NTRK3: variants seen among roughly 807,000 people sequenced by gnomAD.
NTRK3 encodes the protein neurotrophic receptor tyrosine kinase 3, also known as NT-3 growth factor receptor.
In NTRK3, 24 loss-of-function variants were observed where a neutral mutation model predicts 91.7. The observed-to-expected ratio is 0.26, with a 90% CI of 0.19 to 0.37. The LOEUF (loss-of-function observed/expected upper bound fraction) is 0.37, where lower values mean the gene tolerates loss of function less well. Among genes scored for constraint, NTRK3 ranks in the 10% least tolerant of loss-of-function variants. NTRK3 has a pLI of 1.00. For synonymous variants in NTRK3, 483 were observed against 404.0 expected (o/e 1.20, Z -2.34); for missense variants, 880 against 1,068.9 (o/e 0.82, Z 2.46).
intron 13 of NTRK3, among the ~76,000 whole-genome samples, chr15:88,047,139 G>A (rs374148306): frequency 5.1e-4 from 77 of 152,228 alleles, no homozygotes; most frequent in African/African-American, 1.6e-3. Flanking sequence ...TAAACATACC[G>A]GAAATCCCAT....
At chr15:88,128,473 G>A (rs2053512806) in intron 11 of NTRK3, among the ~76,000 whole-genome samples, 1 of 152,156 alleles carries the variant, frequency 6.6e-6, no homozygotes, top group African/African-American at 2.4e-5. Context: ...AACATCATCA[G>A]ACATTAGAAA....
At chr15:88,124,130 G>C (rs1000939667) in intron 13 of NTRK3, among the ~76,000 whole-genome samples, 3 of 152,204 alleles carry the variant, frequency 2.0e-5, no homozygotes, top group Non-Finnish European at 2.9e-5. Flanking sequence ...TCATAAAGAT[G>C]AAAGAGATTC....
At chr15:88,049,525 T>C (rs2080593675) in intron 13 of NTRK3, among the ~76,000 whole-genome samples, 1 of 152,226 alleles carries the variant, frequency 6.6e-6, no homozygotes, top group Non-Finnish European at 1.5e-5. Context: ...ATCCTGACAC[T>C]GACCTAAGCA....
intron 14 of NTRK3, among the ~76,000 whole-genome samples, chr15:87,960,881 C>A (rs897143067): frequency 2.0e-5 from 3 of 152,146 alleles, no homozygotes; most frequent in African/African-American, 7.2e-5. Context: ...GTAGTCTAAG[C>A]GGCGTGCCAT....
intron 14 of NTRK3, among the ~76,000 whole-genome samples, chr15:87,972,841 A>G (rs144903244): frequency 9.2e-4 from 140 of 152,244 alleles, no homozygotes; most frequent in African/African-American, 3.3e-3. Flanking sequence ...TCAGAGTTCC[A>G]AGTTCCTTCC....
intron 5 of NTRK3, among the ~76,000 whole-genome samples, chr15:88,166,635 A>G (rs958239511): frequency 3.3e-5 from 5 of 152,214 alleles, no homozygotes; most frequent in African/African-American, 4.8e-5. Flanking sequence ...CCTCCCAAGA[A>G]GAAACAATTT....
At chr15:88,193,429 G>A (rs2047567228) in intron 3 of NTRK3, among the ~76,000 whole-genome samples, 1 of 152,100 alleles carries the variant, frequency 6.6e-6, no homozygotes, top group South Asian at 2.1e-4. Context: ...CACTGTCAGG[G>A]TCAGCAGTGG....
intron 3 of NTRK3, among the ~76,000 whole-genome samples, chr15:88,236,369 T>A (rs1225394620): frequency 6.6e-5 from 10 of 152,074 alleles, no homozygotes; most frequent in African/African-American, 2.4e-4. Context: ...AAAAGTCATC[T>A]ATTGTGAAAA....
intron 3 of NTRK3, among the ~76,000 whole-genome samples, chr15:88,228,675 T>G (rs2050895897): frequency 6.6e-6 from 1 of 152,162 alleles, no homozygotes; most frequent in Non-Finnish European, 1.5e-5. Flanking sequence ...AGTTGTCTAT[T>G]GGGGTCATCA....
chr15:87,959,818 C>T (rs908390867), intron 14 of NTRK3, among the ~76,000 whole-genome samples: 3 of 152,170 alleles, frequency 2.0e-5, no homozygotes, highest in Admixed American at 6.6e-5. Flanking sequence ...TTCATGGGAA[C>T]GGCTAAGAGG....
At chr15:88,105,560 A>G (rs1424789783) in intron 13 of NTRK3, among the ~76,000 whole-genome samples, 1 of 152,200 alleles carries the variant, frequency 6.6e-6, no homozygotes, top group African/African-American at 2.4e-5. Flanking sequence ...CACTAGTTCC[A>G]CATACGCTGC....
rs2042839506 is a variant in NTRK3, at chr15:88,145,827, AC to A, written c.464+1507del. ...AAGGCCCTCAGTCAGTTCTAGGGTA[AC>A]TTAAGAAAGACCACAATCATGTGTT... is the stretch of plus-strand genomic sequence containing the variant. On this transcript the variant is annotated intron_variant, in intron 6 of 18. Coordinates refer to ENST00000394480, the Ensembl canonical transcript of NTRK3. 2.7e-5 allele frequency among the ~76,000 whole-genome samples: 4 copies of A among 147,684 alleles called. No individual in the cohort carries two copies. In the South Asian group the frequency reaches 8.7e-4, roughly 32 times the overall value.
intron 13 of NTRK3, among the ~76,000 whole-genome samples, chr15:88,103,750 G>A (rs2050411831): frequency 6.6e-6 from 1 of 152,108 alleles, no homozygotes; most frequent in Non-Finnish European, 1.5e-5. Flanking sequence ...GAGGGGTTAA[G>A]GCATATGGAA....
At chr15:88,138,387 G>T (rs2042077580) in intron 6 of NTRK3, among the ~76,000 whole-genome samples, 1 of 152,182 alleles carries the variant, frequency 6.6e-6, no homozygotes, top group African/African-American at 2.4e-5. Flanking sequence ...TCCAGCCTGG[G>T]CGACAGAGCA....
chr15:88,138,123 G>A (rs1345791195), intron 6 of NTRK3, among the ~76,000 whole-genome samples: 2 of 152,126 alleles, frequency 1.3e-5, no homozygotes, highest in African/African-American at 2.4e-5. Flanking sequence ...GATATCAGCG[G>A]CCGGGCGTGG....
intron 14 of NTRK3, among the ~76,000 whole-genome samples, chr15:88,030,713 T>C (rs2078454251): frequency 6.6e-6 from 1 of 152,190 alleles, no homozygotes; most frequent in South Asian, 2.1e-4. Flanking sequence ...AATGTGACCT[T>C]AGAGGCACGT....
At chr15:87,877,514 G>A (rs2065004986) in intron 18 of NTRK3, among the ~76,000 whole-genome samples, 1 of 152,126 alleles carries the variant, frequency 6.6e-6, no homozygotes, top group African/African-American at 2.4e-5. Flanking sequence ...CCCCTTTCAT[G>A]AGCCTGCCTC....
chr15:88,032,247 G>A (rs2078606687), intron 14 of NTRK3, among the ~76,000 whole-genome samples: 1 of 152,056 alleles, frequency 6.6e-6, no homozygotes, highest in Non-Finnish European at 1.5e-5. Context: ...ACAAGGAGAG[G>A]GGTTGGAACC....
chr15:88,045,122 C>T (rs1383427909), intron 13 of NTRK3, among the ~76,000 whole-genome samples: 1 of 152,224 alleles, frequency 6.6e-6, no homozygotes, highest in African/African-American at 2.4e-5. Flanking sequence ...AATAGTACAT[C>T]CAAGTCTCAG....
Sources: allele counts gnomAD v4.1 joint callset (sites outside exome capture counted in the v4.1 genomes callset), GRCh38; gene constraint gnomAD v4.1.1; transcripts MANE v1.5; gene names NCBI Gene and HGNC (gene_info 2026-07-23, HGNC 2026-07-21).